TLN2: variants seen among roughly 807,000 people sequenced by gnomAD.
TLN2 encodes the protein talin 2.
TLN2 carries 118 observed loss-of-function variants against 294.7 expected under a neutral mutation model. The observed-to-expected ratio is 0.40, with a 90% confidence interval of 0.34 to 0.47. The LOEUF is 0.47. Among genes scored for constraint, TLN2 ranks in the 20% least tolerant of loss-of-function variants. The probability of loss-of-function intolerance (pLI) is 0.84; values close to 1 mark genes in which losing one functional copy is unlikely to be tolerated. For missense variants in TLN2, 3,083 were observed against 3,282.2 expected, an observed-to-expected ratio of 0.94 and a Z score of 1.48; for synonymous variants, 1,431 against 1,304.5, an observed-to-expected ratio of 1.10 and a Z score of -2.09.
chr15:62,707,351 T>C (rs1437151949), intron 20 of TLN2, 98 bp downstream of exon 20: 1 of 1,373,796 alleles, frequency 7.3e-7, no homozygotes, highest in Non-Finnish European at 9.7e-7. Context: ...TTTGTTTAAA[T>C]AGTCCGAGAT....
At chr15:62,602,241 C>T (rs1437470828) in intron 2 of TLN2, among the ~76,000 whole-genome samples, 1 of 152,182 alleles carries the variant, frequency 6.6e-6, no homozygotes, top group Non-Finnish European at 1.5e-5. Flanking sequence ...ATTATATACT[C>T]TGTTCTTTCA....
At chr15:62,459,371 G>T (rs2036664792) in intron 1 of TLN2, among the ~76,000 whole-genome samples, 1 of 149,270 alleles carries the variant, frequency 6.7e-6, no homozygotes, top group Non-Finnish European at 1.5e-5. Flanking sequence ...GGGCAGACAT[G>T]TGAATAGGAT....
Position 62,762,362 on chromosome 15 carries a change from A to T in TLN2, c.4870A>T (p.Ile1624Phe). The T allele has an allele frequency of 1.2e-6, 2 of 1,614,222 alleles. No individual in the cohort carries two copies. Among genetic ancestry groups the T allele is most frequent in the Non-Finnish European group, 8.5e-7 (1 of 1,180,040 alleles). ...CATTCGCACTGCACGCTCTCTGGCC[A>T]TCAACCCCAAAGACCCACCCACCTG... is the stretch of plus-strand genomic sequence containing the variant. The part of the protein sequence containing the change: ...YLIRTARSLA[I>F]NPKDPPTWSV... Residue 1624 changes from isoleucine to phenylalanine, a missense_variant, in exon 39 of 59, where the codon ATC becomes TTC. Physicochemically the swap from Ile to Phe is conservative, Grantham distance 21. Transcript: ENST00000636159.
intron 54 of TLN2, among the ~76,000 whole-genome samples, chr15:62,825,342 C>T (rs1415738760): frequency 2.6e-5 from 4 of 152,130 alleles, no homozygotes; most frequent in Non-Finnish European, 5.9e-5. Context: ...GACCTGCAGA[C>T]GAAGCCCAGT....
intron 32 of TLN2, among the ~76,000 whole-genome samples, chr15:62,745,691 T>C (rs115052092): frequency 0.017 from 2,545 of 152,344 alleles, 77 homozygotes; most frequent in African/African-American, 0.059. Context: ...GAGGGCTGTA[T>C]ATTTATTTAA....
At chr15:62,402,816 C>T (rs925806890) in intron 1 of TLN2, among the ~76,000 whole-genome samples, 33 of 152,184 alleles carry the variant, frequency 2.2e-4, no homozygotes, top group African/African-American at 7.2e-4. Context: ...CCAGCACACA[C>T]GTGTGAATGA....
chr15:62,551,495 G>A (rs1312010564), intron 1 of TLN2, among the ~76,000 whole-genome samples: 1 of 146,854 alleles, frequency 6.8e-6, no homozygotes, highest in Non-Finnish European at 1.5e-5. Flanking sequence ...CATAGTGAAA[G>A]CCAATCTCTA....
chr15:62,399,265 A>C (rs1282978366), intron 1 of TLN2, among the ~76,000 whole-genome samples: 26 of 147,296 alleles, frequency 1.8e-4, no homozygotes, highest in African/African-American at 6.4e-4. Context: ...ACAAAAAAAA[A>C]AAAAAAAAAA....
chr15:62,643,037 T>C (rs2051327777), intron 3 of TLN2, among the ~76,000 whole-genome samples: 1 of 152,200 alleles, frequency 6.6e-6, no homozygotes, highest in Non-Finnish European at 1.5e-5. Context: ...GGGTAAGTCA[T>C]AGTACTTGAT....
At chr15:62,781,001 A>G in intron 43 of TLN2, 139 bp from the exon 44 acceptor site, 1 of 633,248 alleles carries the variant, frequency 1.6e-6, no homozygotes, top group African/African-American at 1.8e-5. Context: ...TTATTGCACA[A>G]GTTGGGTAAT....
rs539339517 is a variant in TLN2 at position 62,399,321 on chromosome 15, T to G, written c.-238+8636T>G. ...CTTGGATGTCCAGGGAGAAGTTTGC[T>G]GCAGGAGCGGAGCCCTCATGGAGAA... On this transcript the variant is annotated intron_variant, in intron 1 of 58. Transcript: ENST00000636159. 2.7e-5 allele frequency among the ~76,000 whole-genome samples: 4 copies of G among 148,196 alleles called. No homozygotes were observed. The East Asian group carries it at 8.0e-4, about 30-fold the overall frequency.
chr15:62,525,855 G>A (rs559252895), intron 1 of TLN2, among the ~76,000 whole-genome samples: 20 of 152,238 alleles, frequency 1.3e-4, no homozygotes, highest in African/African-American at 4.1e-4. Context: ...CCCCTCATGC[G>A]TCTTGCTGAG....
At chr15:62,836,646 A>G (rs938643498) in intron 57 of TLN2, among the ~76,000 whole-genome samples, 8 of 147,008 alleles carry the variant, frequency 5.4e-5, no homozygotes, top group African/African-American at 2.1e-4. Flanking sequence ...AGAACATGTT[A>G]GGAAGGTAAC....
At chr15:62,840,077 C>T (rs1327304683) in intron 58 of TLN2, among the ~76,000 whole-genome samples, 7 of 152,202 alleles carry the variant, frequency 4.6e-5, no homozygotes, top group Non-Finnish European at 8.8e-5. Flanking sequence ...GGGTCTTCCT[C>T]CACTGGCTGG....
At chr15:62,447,568 A>G (rs1290178587) in intron 1 of TLN2, among the ~76,000 whole-genome samples, 1 of 145,730 alleles carries the variant, frequency 6.9e-6, no homozygotes, top group African/African-American at 2.6e-5. Context: ...GATCTTGCTC[A>G]CTGCAAGCTC....
At position 62,702,710 on chromosome 15, in the gene TLN2, A is replaced by G. The variant is rs1395095430; in HGVS notation, c.1906-56A>G. On this transcript the variant is annotated intron_variant, in intron 18 of 58. Coordinates refer to ENST00000636159, the MANE Select transcript of TLN2 (RefSeq NM_015059.3). ...TCTACTTCCTGTACTTCCATGTCTG[A>G]TGGCACTGGAGGAAATGCGTTTTCT... 3.3e-6 allele frequency: 5 copies of G among 1,527,692 alleles called. No homozygotes were observed. The Admixed American group carries it at 5.0e-5, about 15-fold the overall frequency. 94.6% of individuals were successfully genotyped at this position (1,527,692 alleles called of 1,614,324 possible).
At chr15:62,469,977 A>C (rs1046532176) in intron 1 of TLN2, among the ~76,000 whole-genome samples, 1 of 152,114 alleles carries the variant, frequency 6.6e-6, no homozygotes, top group Non-Finnish European at 1.5e-5. Flanking sequence ...CGAGAGAGAG[A>C]GCGCATGCAC....
At chr15:62,612,634 G>A (rs769603954) in intron 2 of TLN2, among the ~76,000 whole-genome samples, 3 of 152,098 alleles carry the variant, frequency 2.0e-5, no homozygotes, top group Admixed American at 6.5e-5. Context: ...CTGCTTGTTC[G>A]TGAGATTTTT....
chr15:62,534,463 T>C (rs922034689), intron 1 of TLN2, among the ~76,000 whole-genome samples: 5 of 152,194 alleles, frequency 3.3e-5, no homozygotes, highest in Non-Finnish European at 7.3e-5. Flanking sequence ...GGGTGAAGTA[T>C]GGGAGAAGGA....
Sources: allele counts gnomAD v4.1 joint callset (sites outside exome capture counted in the v4.1 genomes callset), GRCh38; gene constraint gnomAD v4.1.1; transcripts MANE v1.5; gene names NCBI Gene and HGNC (gene_info 2026-07-23, HGNC 2026-07-21).